The following RIPK1 variants were observed in gnomAD, a reference collection of about 807,000 sequenced individuals.
RIPK1 encodes receptor-interacting serine/threonine-protein kinase 1.
A neutral mutation model predicts 62.4 loss-of-function variants in RIPK1; 27 were observed. That is an observed-to-expected ratio of 0.43 (90% CI 0.32 to 0.60). The LOEUF (loss-of-function observed/expected upper bound fraction) is 0.60, where lower values mean the gene tolerates loss of function less well. Ranked by LOEUF, RIPK1 falls within the 20% of genes least tolerant of loss-of-function variation. RIPK1 has a pLI of 0.07. For synonymous variants in RIPK1, 287 were observed against 303.2 expected (o/e 0.95, Z 0.55); for missense variants, 735 against 831.0 (o/e 0.88, Z 1.42).
chr6:3,072,569 C>G lies in RIPK1; in HGVS notation c.-61+3908C>G, dbSNP rs1300271787. Reference sequence around the variant, plus strand: ...TAGTTCTCTTTTTAAAATAGTTATTCAATTGATGATGGGCCGGCATACGTT... The same window carrying G: ...TAGTTCTCTTTTTAAAATAGTTATTGAATTGATGATGGGCCGGCATACGTT... On this transcript the variant is annotated intron_variant, in intron 1 of 10. Coordinates refer to ENST00000259808, the MANE Select transcript of RIPK1 (RefSeq NM_001354930.2). This position sits in a 1 kb window ranked among gnomAD's most constrained non-coding sequence, Gnocchi z 5.6. Among the ~76,000 whole-genome samples, 1 of 151,848 alleles carries G rather than the reference C, an allele frequency of 6.6e-6. No homozygotes were observed. The highest frequency in any genetic ancestry group is 1.5e-5 in the Non-Finnish European group (1 of 67,998).
rs1369030877 is a variant in RIPK1 at position 3,114,155 on chromosome 6, A to C, written c.*816A>C. The C allele has an allele frequency of 6.6e-6, 1 of 152,244 alleles. No homozygotes were observed. The highest frequency in any genetic ancestry group is 1.5e-5 in the Non-Finnish European group (1 of 68,038). 9.4% of individuals were successfully genotyped at this position (152,244 alleles called of 1,614,324 possible). ...AGGAATTGGTACTAACCGTGACTACAACAAAAATTCTTGATTGACTTTTAA... is the reference window on the plus strand; with the variant it reads ...AGGAATTGGTACTAACCGTGACTACCACAAAAATTCTTGATTGACTTTTAA... On this transcript the variant is annotated 3_prime_UTR_variant, in exon 11 of 11. Coordinates refer to ENST00000259808, the MANE Select transcript of RIPK1 (RefSeq NM_001354930.2). This position sits in a 1 kb window ranked among gnomAD's most constrained non-coding sequence, Gnocchi z 5.0.
At chr6:3,096,629 G>A (rs1053083291) in intron 7 of RIPK1, among the ~76,000 whole-genome samples, 3 of 136,198 alleles carry the variant, frequency 2.2e-5, no homozygotes, top group Non-Finnish European at 4.5e-5. Context: ...GCATGATCTC[G>A]GCTCACTGCA....
intron 1 of RIPK1, among the ~76,000 whole-genome samples, chr6:3,069,137 A>G (rs1040367336): frequency 4.9e-5 from 7 of 141,696 alleles, no homozygotes; most frequent in African/African-American, 1.8e-4. Context: ...TGGAATAGGC[A>G]GTCCCACACG....
chr6:3,073,133 T>C (rs979170017), intron 1 of RIPK1, among the ~76,000 whole-genome samples: 16 of 152,066 alleles, frequency 1.1e-4, no homozygotes, highest in African/African-American at 3.1e-4. Context: ...TATACAAATA[T>C]ATACATATAC....
At chr6:3,103,076 C>T (rs975814187) in intron 7 of RIPK1, among the ~76,000 whole-genome samples, 1 of 152,132 alleles carries the variant, frequency 6.6e-6, no homozygotes, top group Non-Finnish European at 1.5e-5. Context: ...GTGGTTTTGA[C>T]TTGCATTTCC....
chr6:3,107,828 T>C (rs1760942879), intron 9 of RIPK1, among the ~76,000 whole-genome samples: 1 of 152,064 alleles, frequency 6.6e-6, no homozygotes, highest in Non-Finnish European at 1.5e-5. Flanking sequence ...GTTCTGCCAG[T>C]GACAGATGTA....
At chr6:3,110,231 A>G (rs1761087666) in intron 9 of RIPK1, among the ~76,000 whole-genome samples, 1 of 144,320 alleles carries the variant, frequency 6.9e-6, no homozygotes, top group Non-Finnish European at 1.5e-5. Flanking sequence ...TTTTTGAGAC[A>G]GACTCTCACT....
At position 3,068,650 on chromosome 6, in the gene RIPK1, G is replaced by C; in HGVS notation, c.-72G>C. On this transcript the variant is annotated 5_prime_UTR_variant, in exon 1 of 11. Coordinates refer to ENST00000259808, the MANE Select transcript of RIPK1 (RefSeq NM_001354930.2). ...GACTTGGCTGGACGGCGCGGCCACG[G>C]AGAAGGGCGCGGTGAGCGGACTGGC... 1.0e-6 allele frequency: 1 copy of C among 985,328 alleles called. No individual in the cohort carries two copies. Among genetic ancestry groups the C allele is most frequent in the Non-Finnish European group, 1.2e-6 (1 of 829,930 alleles). 61.0% of individuals were successfully genotyped at this position (985,328 alleles called of 1,614,324 possible).
intron 6 of RIPK1, among the ~76,000 whole-genome samples, chr6:3,087,224 T>G (rs968239731): frequency 2.0e-5 from 3 of 152,182 alleles, no homozygotes; most frequent in Non-Finnish European, 4.4e-5. Context: ...TTATTCTGTT[T>G]AGGTTTTGCT....
rs1479623356 is a variant in RIPK1, at chr6:3,072,520, T to G, written c.-61+3859T>G. Among the ~76,000 whole-genome samples the G allele has an allele frequency of 6.6e-6, 1 of 152,202 alleles. No homozygotes were observed. The highest frequency in any genetic ancestry group is 2.4e-5 in the African/African-American group (1 of 41,440). On this transcript the variant is annotated intron_variant, in intron 1 of 10. Transcript: ENST00000259808. The surrounding 1 kb of genome is among the most constrained non-coding windows in gnomAD (Gnocchi z 5.6). The stretch of plus-strand genomic sequence containing the variant: ...CGTAATTCATTTAACAATATTTTTA[T>G]TTTTATTTTTTTGGACAATTAAATA...
intron 9 of RIPK1, among the ~76,000 whole-genome samples, chr6:3,106,984 C>T (rs138411959): frequency 1.7e-3 from 258 of 152,254 alleles, no homozygotes; most frequent in African/African-American, 6.0e-3. Context: ...GGTGTGGTGG[C>T]TTATGCCTGT....
intron 7 of RIPK1, among the ~76,000 whole-genome samples, chr6:3,090,124 C>T (rs1759953946): frequency 6.6e-6 from 1 of 152,202 alleles, no homozygotes; most frequent in Admixed American, 6.5e-5. Flanking sequence ...CTGAGAACCT[C>T]ATTTATGCTA....
intron 1 of RIPK1, among the ~76,000 whole-genome samples, chr6:3,074,476 A>G (rs1274081175): frequency 6.6e-6 from 1 of 152,188 alleles, no homozygotes; most frequent in Non-Finnish European, 1.5e-5. Context: ...GCTATTATAA[A>G]TAAAGTTGCT....
chr6:3,102,193 T>C (rs982493184), intron 7 of RIPK1, among the ~76,000 whole-genome samples: 3 of 152,292 alleles, frequency 2.0e-5, no homozygotes, highest in East Asian at 1.9e-4. Flanking sequence ...AATCCAAAAT[T>C]CAAAATCCTC....
At chr6:3,095,689 T>C (rs184105355) in intron 7 of RIPK1, among the ~76,000 whole-genome samples, 28 of 152,354 alleles carry the variant, frequency 1.8e-4, no homozygotes, top group Admixed American at 6.5e-4. Context: ...GAAAAAGATA[T>C]ATCTTTTCAA....
chr6:3,087,597 C>A lies in RIPK1; in HGVS notation c.839-1984C>A, dbSNP rs185716436. On this transcript the variant is annotated intron_variant, in intron 6 of 10. Transcript: ENST00000259808. The stretch of plus-strand genomic sequence containing the variant: ...TTGACACGGACTCTCACTCTGTCGC[C>A]CAGGTTGGAGTGCAGTGGCGCAAGC... Among the ~76,000 whole-genome samples, 305 of 151,738 alleles carry A rather than the reference C, an allele frequency of 2.0e-3. 7 individuals are homozygous for A. The highest frequency in any genetic ancestry group is 0.016 in the Admixed American group (245 of 15,242).
At chr6:3,112,181 C>T (rs542736240) in intron 10 of RIPK1, among the ~76,000 whole-genome samples, 21 of 152,182 alleles carry the variant, frequency 1.4e-4, no homozygotes, top group African/African-American at 5.1e-4. Context: ...AAAAACAGAC[C>T]TTGAAGAGTA....
rs1760813386 is a variant in RIPK1, at chr6:3,105,702, G to A, written c.1227G>A (p.Glu409=). 6.2e-7 allele frequency: 1 copy of A among 1,614,170 alleles called. No homozygotes were observed. The highest frequency in any genetic ancestry group is 1.3e-5 in the African/African-American group (1 of 75,052). Residue 409 remains glutamate, a synonymous_variant, in exon 9 of 11, where the codon GAG becomes GAA. Coordinates refer to ENST00000259808, the MANE Select transcript of RIPK1 (RefSeq NM_001354930.2). The surrounding 1 kb of genome is among the most constrained non-coding windows in gnomAD (Gnocchi z 4.5). ...PRQNVAYNRE[E]ERRRRVSHDP... is the part of the protein sequence containing the mutation. ...AGAATGTGGCTTACAACAGAGAGGAGGAAAGGAGACGCAGGGTCTCCCATG... is the reference window on the plus strand; with the variant it reads ...AGAATGTGGCTTACAACAGAGAGGAAGAAAGGAGACGCAGGGTCTCCCATG...
At chr6:3,110,991 C>G (rs1234540656) in intron 10 of RIPK1, 36 bp downstream of exon 10, 6 of 1,475,904 alleles carry the variant, frequency 4.1e-6, no homozygotes, top group Non-Finnish European at 5.5e-6. Context: ...GCCTAGCAAC[C>G]TTGAACTTTC....
Sources: allele counts gnomAD v4.1 joint callset (sites outside exome capture counted in the v4.1 genomes callset), GRCh38; gene constraint gnomAD v4.1.1; non-coding constraint Gnocchi (gnomAD v3.1); transcripts MANE v1.5; gene names NCBI Gene and HGNC (gene_info 2026-07-23, HGNC 2026-07-21).